The following CAMK2D variants were observed in gnomAD, a reference collection of about 807,000 sequenced individuals.
CAMK2D encodes calcium/calmodulin dependent protein kinase II delta, also known as calcium/calmodulin-dependent protein kinase type II subunit delta.
Under a neutral mutation model 84.0 loss-of-function variants are expected in CAMK2D, and 37 were observed. The ratio of observed to expected loss-of-function variants is 0.44; its 90% CI spans 0.34 to 0.58. The LOEUF is 0.58. Ranked by LOEUF, CAMK2D falls within the 20% of genes least tolerant of loss-of-function variation. The probability of loss-of-function intolerance (pLI) is 0.02; values close to 1 mark genes in which losing one functional copy is unlikely to be tolerated. For missense variants in CAMK2D, 448 were observed against 652.5 expected, an observed-to-expected ratio of 0.69 and a Z score of 3.41; for synonymous variants, 202 against 212.5, an observed-to-expected ratio of 0.95 and a Z score of 0.43.
chr4:113,628,807 G>C (rs994699395), intron 3 of CAMK2D, among the ~76,000 whole-genome samples: 15 of 151,908 alleles, frequency 9.9e-5, no homozygotes, highest in African/African-American at 3.6e-4. Flanking sequence ...TTTTGGAAAA[G>C]TTTCTATTTT....
At chr4:113,533,788 T>G (rs770002167) in intron 7 of CAMK2D, among the ~76,000 whole-genome samples, 12 of 151,868 alleles carry the variant, frequency 7.9e-5, no homozygotes, top group Non-Finnish European at 1.8e-4. Context: ...TTATCAAGTA[T>G]AGTGACAGGG....
chr4:113,540,577 C>G (rs1560821375), intron 6 of CAMK2D, among the ~76,000 whole-genome samples: 1 of 152,160 alleles, frequency 6.6e-6, no homozygotes, highest in Non-Finnish European at 1.5e-5. Flanking sequence ...ATGCCTGGAG[C>G]TAATTAATTA....
At chr4:113,736,315 G>A (rs899180706) in intron 2 of CAMK2D, among the ~76,000 whole-genome samples, 1 of 152,112 alleles carries the variant, frequency 6.6e-6, no homozygotes, top group East Asian at 1.9e-4. Context: ...GTTAGACACT[G>A]AGTGTACAAA....
intron 3 of CAMK2D, among the ~76,000 whole-genome samples, chr4:113,654,295 G>A (rs1055877013): frequency 1.3e-5 from 2 of 151,884 alleles, no homozygotes; most frequent in African/African-American, 4.8e-5. Context: ...TCATAGGAAT[G>A]GGAAACATGC....
chr4:113,752,336 GTA>G (rs2099619227), intron 2 of CAMK2D, among the ~76,000 whole-genome samples: 1 of 151,922 alleles, frequency 6.6e-6, no homozygotes, highest in South Asian at 2.1e-4. Context: ...ACAATTAACT[GTA>G]TATAAATATT....
chr4:113,642,573 G>A (rs1200730065), intron 3 of CAMK2D, among the ~76,000 whole-genome samples: 10 of 152,144 alleles, frequency 6.6e-5, no homozygotes, highest in Admixed American at 6.5e-4. Context: ...ACTTAGCAGC[G>A]GAGTGAAGCT....
At position 113,761,038 on chromosome 4, in the gene CAMK2D, T is replaced by A; in HGVS notation, c.31A>T (p.Thr11Ser). Residue 11 changes from threonine (T) to serine (S), a missense_variant, in exon 1 of 21, where the codon ACG becomes TCG. Transcript: ENST00000511664. ...TCCTCGAAAAGCTGATACTCGTCCG[T>A]GAACCTGGTGCAGGTTGTGGTCGAA... Reference protein sequence around the residue: MASTTTCTRFTDEYQLFEELG... With the variant: MASTTTCTRFSDEYQLFEELG... 1 of 1,614,220 alleles carries A rather than the reference T, an allele frequency of 6.2e-7. No homozygotes were observed. Among genetic ancestry groups the A allele is most frequent in the Non-Finnish European group, 8.5e-7 (1 of 1,180,024 alleles).
chr4:113,512,598 G>A (rs141462129), intron 12 of CAMK2D, among the ~76,000 whole-genome samples: 4,097 of 152,196 alleles, frequency 0.027, 107 homozygotes, highest in Non-Finnish European at 0.037. Flanking sequence ...TTTTGAGACG[G>A]AGTCTCGCTC....
rs2098078554 is a variant in CAMK2D, at chr4:113,503,049, A to T, written c.1045-72T>A. 2.9e-6 allele frequency: 3 copies of T among 1,035,396 alleles called. No individual in the cohort carries two copies. The East Asian group carries it at 7.1e-5, about 25-fold the overall frequency. 64.1% of individuals were successfully genotyped at this position (1,035,396 alleles called of 1,614,324 possible). ...ACATTCTTTCTAGTGTGAAGGACAG[A>T]GCAGAGTGAGCCAGCTGACAAAATG... On this transcript the variant is annotated intron_variant, in intron 14 of 20. Transcript: ENST00000511664.
chr4:113,565,677 A>C (rs1202391587), intron 4 of CAMK2D, among the ~76,000 whole-genome samples: 3 of 118,016 alleles, frequency 2.5e-5, no homozygotes, highest in Non-Finnish European at 5.0e-5. Flanking sequence ...GAAGTCACAC[A>C]AAAAAAACGA....
chr4:113,576,443 C>T (rs183519324), intron 4 of CAMK2D, among the ~76,000 whole-genome samples: 24 of 152,092 alleles, frequency 1.6e-4, no homozygotes, highest in Middle Eastern at 3.4e-3. Context: ...AAAAAGCTAT[C>T]TTAAATCCAA....
chr4:113,694,371 G>GT (rs2099396766), intron 2 of CAMK2D, among the ~76,000 whole-genome samples: 1 of 152,114 alleles, frequency 6.6e-6, no homozygotes, highest in Non-Finnish European at 1.5e-5. Flanking sequence ...CCTCCAATGT[G>GT]TTTATGTTTT....
At chr4:113,531,568 T>C (rs4240286) in intron 7 of CAMK2D, among the ~76,000 whole-genome samples, 97,313 of 152,098 alleles carry the variant, frequency 0.64, 32,809 homozygotes, top group African/African-American at 0.85. Context: ...TCACTGTGTA[T>C]ACTTAAGGCC....
chr4:113,597,117 C>T (rs796372622), intron 4 of CAMK2D, among the ~76,000 whole-genome samples: 64 of 152,194 alleles, frequency 4.2e-4, no homozygotes, highest in African/African-American at 1.1e-3. Flanking sequence ...CGCGCCTGGC[C>T]GGGTCCTAAA....
intron 3 of CAMK2D, among the ~76,000 whole-genome samples, chr4:113,620,033 C>T (rs1211266160): frequency 6.6e-6 from 1 of 152,108 alleles, no homozygotes. Flanking sequence ...TGATGGGAAT[C>T]ACCAAGAGAA....
intron 16 of CAMK2D, among the ~76,000 whole-genome samples, chr4:113,468,309 C>G (rs927143080): frequency 6.6e-6 from 1 of 152,128 alleles, no homozygotes; most frequent in Non-Finnish European, 1.5e-5. Flanking sequence ...TGCTTAGAAA[C>G]GATGGTGCTT....
Position 113,737,836 on chromosome 4 carries a change from C to T in CAMK2D, c.160+21484G>A, listed in dbSNP as rs555018283. ...AATAAAATTGGAACTAGATCCAAAA[C>T]AAAACATCAAGCTCTCTAGTAAATG... On this transcript the variant is annotated intron_variant, in intron 2 of 20. Transcript: ENST00000511664. Among the ~76,000 whole-genome samples the T allele has an allele frequency of 2.6e-5, 4 of 152,076 alleles. No individual in the cohort carries two copies. In the South Asian group the frequency reaches 8.3e-4, roughly 32 times the overall value.
chr4:113,531,368 A>G (rs923800043), intron 7 of CAMK2D, 69 bp from the exon 8 acceptor site: 21 of 820,776 alleles, frequency 2.6e-5, no homozygotes, highest in Middle Eastern at 2.2e-4. Context: ...AAACTAAGAA[A>G]GAAAAATATC....
At chr4:113,746,774 C>T (rs1192424861) in intron 2 of CAMK2D, among the ~76,000 whole-genome samples, 1 of 151,242 alleles carries the variant, frequency 6.6e-6, no homozygotes, top group Non-Finnish European at 1.5e-5. Flanking sequence ...TGAAAAATGG[C>T]CTGAAATCAG....
Sources: allele counts gnomAD v4.1 joint callset (sites outside exome capture counted in the v4.1 genomes callset), GRCh38; gene constraint gnomAD v4.1.1; transcripts MANE v1.5; gene names NCBI Gene and HGNC (gene_info 2026-07-23, HGNC 2026-07-21).